ACO1: variants seen among roughly 807,000 people sequenced by gnomAD.
ACO1 encodes the protein aconitase 1.
A neutral mutation model predicts 105.1 loss-of-function variants in ACO1; 78 were observed. The ratio of observed to expected loss-of-function variants is 0.74; its 90% confidence interval spans 0.62 to 0.90. ACO1 has a LOEUF of 0.90. ACO1 is among the 40% of genes least tolerant of loss of function. The pLI is 0.00. For missense variants in ACO1, 965 were observed against 1,111.1 expected (o/e 0.87, Z 1.87); for synonymous variants, 364 against 397.4 (o/e 0.92, Z 1.00).
Position 32,413,454 on chromosome 9 carries a change from A to C in ACO1, c.405-4674A>C, listed in dbSNP as rs1265079013. Among the ~76,000 whole-genome samples, 3 of 149,530 alleles carry C rather than the reference A, an allele frequency of 2.0e-5. No homozygotes were observed. In the Admixed American group the frequency reaches 2.0e-4, roughly 10 times the overall value. Reference sequence around the variant, plus strand: ...AGCTGAGATTGTGCCACTGCACTCCAGCCTGGCAACAGAATGAGACTCTAT... The same window carrying C: ...AGCTGAGATTGTGCCACTGCACTCCCGCCTGGCAACAGAATGAGACTCTAT... On this transcript the variant is annotated intron_variant, in intron 4 of 20. Transcript: ENST00000309951.
At chr9:32,392,203 T>C (rs1293816457) in intron 1 of ACO1, among the ~76,000 whole-genome samples, 3 of 152,180 alleles carry the variant, frequency 2.0e-5, no homozygotes, top group Non-Finnish European at 2.9e-5. Context: ...TAAAATGATA[T>C]CACTTGTGCA....
intron 8 of ACO1, among the ~76,000 whole-genome samples, chr9:32,422,800 TG>T (rs1369178431): frequency 6.6e-6 from 1 of 152,216 alleles, no homozygotes; most frequent in Non-Finnish European, 1.5e-5. Context: ...TAATTGTACT[TG>T]TATCTTAAGA....
rs145270779 is a variant in ACO1 at position 32,437,775 on chromosome 9, ACAAT to A, written c.2247+1381_2247+1384del. ...GTTCATTTTCTGTTGCTATGAAATAACAATCAGAAGACAAGAAAGAATGTTTTAA... is the reference window on the plus strand; with the variant it reads ...GTTCATTTTCTGTTGCTATGAAATAACAGAAGACAAGAAAGAATGTTTTAA... On this transcript the variant is annotated intron_variant, in intron 18 of 20. Transcript: ENST00000309951. 2.9e-3 allele frequency among the ~76,000 whole-genome samples: 444 copies of A among 152,318 alleles called. 4 individuals carry two copies. The highest frequency in any genetic ancestry group is 1.0e-2 in the African/African-American group (414 of 41,572).
chr9:32,397,744 G>A (rs1392529622), intron 1 of ACO1, among the ~76,000 whole-genome samples: 1 of 152,172 alleles, frequency 6.6e-6, no homozygotes, highest in Non-Finnish European at 1.5e-5. Flanking sequence ...GGAAGCCATG[G>A]CAGTTCAAGA....
chr9:32,418,074 A>T, intron 4 of ACO1, 54 bp from the exon 5 acceptor site: 1 of 1,518,896 alleles, frequency 6.6e-7, no homozygotes, highest in Non-Finnish European at 9.1e-7. Flanking sequence ...AATAAATTTG[A>T]CCACTAATAT....
chr9:32,395,553 C>T (rs375273222), intron 1 of ACO1, among the ~76,000 whole-genome samples: 25 of 152,136 alleles, frequency 1.6e-4, no homozygotes, highest in African/African-American at 6.0e-4. Context: ...ATGTACTACA[C>T]CACACTGGTG....
chr9:32,425,058 A>G (rs547230279), intron 10 of ACO1, among the ~76,000 whole-genome samples: 1 of 152,384 alleles, frequency 6.6e-6, no homozygotes, highest in South Asian at 2.1e-4. Flanking sequence ...TTGGGTTCTC[A>G]GAATCTCATA....
intron 9 of ACO1, 68 bp from the exon 10 acceptor site, chr9:32,424,481 C>T (rs2118486333): frequency 9.9e-7 from 1 of 1,015,198 alleles, no homozygotes; most frequent in Non-Finnish European, 1.5e-6. Context: ...AATTCTCTGA[C>T]ATGCTTTGGG....
chr9:32,384,989 T>C (rs905412395), intron 1 of ACO1, among the ~76,000 whole-genome samples: 8 of 152,378 alleles, frequency 5.3e-5, no homozygotes, highest in Admixed American at 4.6e-4. Context: ...TAGACCCTTC[T>C]TAGCCTTGGC....
chr9:32,410,983 G>A (rs544808633), intron 4 of ACO1, among the ~76,000 whole-genome samples: 1 of 152,272 alleles, frequency 6.6e-6, no homozygotes, highest in African/African-American at 2.4e-5. Flanking sequence ...TGGGGTCCAA[G>A]CTAAAGGAGA....
chr9:32,420,749 T>C (rs1252997944), intron 7 of ACO1, 107 bp from the exon 8 acceptor site: 7 of 1,169,862 alleles, frequency 6.0e-6, no homozygotes, highest in Admixed American at 4.5e-5. Context: ...TGATTTACTA[T>C]TTGGGTTTAC....
At chr9:32,446,261 A>G (rs1167888763) in intron 19 of ACO1, among the ~76,000 whole-genome samples, 14 of 152,132 alleles carry the variant, frequency 9.2e-5, no homozygotes, top group Admixed American at 9.2e-4. Context: ...GTAGGTCTCT[A>G]AGAACTTGCT....
At position 32,424,783 on chromosome 9, in the gene ACO1, G is replaced by A; in HGVS notation, c.1188+118G>A. 8.4e-6 allele frequency: 6 copies of A among 712,856 alleles called. No homozygotes were observed. In the South Asian group the frequency reaches 1.1e-4, roughly 13 times the overall value. The allele number at this position is 712,856 out of a possible 1,614,324, so 44.2% of individuals were successfully genotyped here. A position where few individuals can be genotyped will look rare whatever the true frequency, so the allele number is the denominator to read the frequency against. ...TTCCTGTAGCCTGAAGCTTGAGGGTGTTTATTCTTCCTTCTGAAGTCCTTA... is the reference window on the plus strand; with the variant it reads ...TTCCTGTAGCCTGAAGCTTGAGGGTATTTATTCTTCCTTCTGAAGTCCTTA... On this transcript the variant is annotated intron_variant, in intron 10 of 20. Coordinates refer to ENST00000309951, the MANE Select transcript of ACO1 (RefSeq NM_002197.3).
At chr9:32,448,285 C>T (rs954534586) in intron 19 of ACO1, among the ~76,000 whole-genome samples, 13 of 152,172 alleles carry the variant, frequency 8.5e-5, no homozygotes, top group African/African-American at 1.2e-4. Flanking sequence ...TGCTGAGCTG[C>T]GGTGGGCTCC....
In ACO1 at chr9:32,407,446, T is replaced by G; in HGVS notation, c.266+17T>G. Reference sequence around the variant, plus strand: ...GGACTTTACGTGAGCCTAATGTCACTTCACTCTCCTTTGCCTCCCTCATTA... The same window carrying G: ...GGACTTTACGTGAGCCTAATGTCACGTCACTCTCCTTTGCCTCCCTCATTA... On this transcript the variant is annotated intron_variant, in intron 3 of 20. Coordinates refer to ENST00000309951, the MANE Select transcript of ACO1 (RefSeq NM_002197.3). 2 of 1,603,848 alleles carry G rather than the reference T, an allele frequency of 1.2e-6. No individual in the cohort carries two copies. Among genetic ancestry groups the G allele is most frequent in the Non-Finnish European group, 1.7e-6 (2 of 1,172,854 alleles).
intron 4 of ACO1, among the ~76,000 whole-genome samples, chr9:32,410,943 G>A (rs1278066757): frequency 2.6e-5 from 4 of 152,108 alleles, no homozygotes; most frequent in South Asian, 4.1e-4. Flanking sequence ...CAGGGCAGCC[G>A]GGACAACTCT....
rs1822778898 is a variant in ACO1 at position 32,452,036 on chromosome 9, C to T, written c.*1925C>T. The T allele has an allele frequency of 6.6e-6, 1 of 151,472 alleles. No homozygotes were observed. Among genetic ancestry groups the T allele is most frequent in the African/African-American group, 2.4e-5 (1 of 40,940 alleles). 9.4% of individuals were successfully genotyped at this position (151,472 alleles called of 1,614,324 possible). On this transcript the variant is annotated 3_prime_UTR_variant, in exon 21 of 21. Transcript: ENST00000309951. Reference sequence around the variant, plus strand: ...CCGAGATCGTGCCATTGCACGCCCGCCTGGGCTACAAGAGCAAAGCTCCGT... The same window carrying T: ...CCGAGATCGTGCCATTGCACGCCCGTCTGGGCTACAAGAGCAAAGCTCCGT...
intron 1 of ACO1, among the ~76,000 whole-genome samples, chr9:32,390,786 G>A (rs539991450): frequency 2.0e-5 from 3 of 152,048 alleles, no homozygotes; most frequent in Non-Finnish European, 4.4e-5. Flanking sequence ...TCTTAAATTC[G>A]AGCCAATATA....
intron 1 of ACO1, among the ~76,000 whole-genome samples, chr9:32,384,982 A>C (rs1821126078): frequency 6.6e-6 from 1 of 151,994 alleles, no homozygotes; most frequent in African/African-American, 2.4e-5. Context: ...GCTTTCCTAG[A>C]CCCTTCTTAG....
Sources: allele counts gnomAD v4.1 joint callset (sites outside exome capture counted in the v4.1 genomes callset), GRCh38; gene constraint gnomAD v4.1.1; transcripts MANE v1.5; gene names NCBI Gene and HGNC (gene_info 2026-07-23, HGNC 2026-07-21).